The following SRGAP2C variants were observed in gnomAD, a reference collection of about 807,000 sequenced individuals.
SRGAP2C encodes the protein SLIT-ROBO Rho GTPase-activating protein 2C.
In SRGAP2C, 15 loss-of-function variants were observed where a neutral mutation model predicts 25.1. That is an observed-to-expected ratio of 0.60 (90% CI 0.40 to 0.92). The LOEUF (loss-of-function observed/expected upper bound fraction) is 0.92, where lower values mean the gene tolerates loss of function less well. Among genes scored for constraint, SRGAP2C ranks in the 40% least tolerant of loss-of-function variants. The pLI is 0.00. For missense variants in SRGAP2C, 144 were observed against 264.4 expected (o/e 0.54, Z 3.16); for synonymous variants, 44 against 96.6 (o/e 0.46, Z 3.19).
intron 2 of SRGAP2C, among the ~76,000 whole-genome samples, chr1:121,249,568 ATATATATATATATTTT>A (rs1435303280): frequency 0.017 from 615 of 36,654 alleles, 1 homozygote; most frequent in African/African-American, 0.062. Flanking sequence ...ATATATATAT[ATATATATATATATTTT>A]TTTTTTTTTT....
rs1283214323 is a variant in SRGAP2C at position 121,336,121 on chromosome 1, C to G, written c.423+11481C>G. On this transcript the variant is annotated intron_variant, in intron 4 of 9. Transcript: ENST00000367123. ...TATCAAGCCCCTCTAACTAGGCAGG[C>G]TTTGAATGCCAAATTCTATCTTCCT... Among the ~76,000 whole-genome samples the G allele has an allele frequency of 2.0e-5, 3 of 152,166 alleles. No homozygotes were observed. The South Asian group carries it at 6.2e-4, about 32-fold the overall frequency.
chr1:121,331,894 A>G (rs1658440471), intron 4 of SRGAP2C, among the ~76,000 whole-genome samples: 1 of 152,154 alleles, frequency 6.6e-6, no homozygotes, highest in Non-Finnish European at 1.5e-5. Context: ...TAGAGAATAG[A>G]TATTGATTGC....
chr1:121,279,490 G>A (rs1657193584), intron 2 of SRGAP2C, among the ~76,000 whole-genome samples: 1 of 151,186 alleles, frequency 6.6e-6, no homozygotes, highest in Non-Finnish European at 1.5e-5. Flanking sequence ...CTACATGATT[G>A]TCAGTGTGGC....
intron 4 of SRGAP2C, among the ~76,000 whole-genome samples, chr1:121,348,209 A>T (rs1570798178): frequency 1.1e-5 from 1 of 92,532 alleles, no homozygotes; most frequent in Non-Finnish European, 2.3e-5. Context: ...CACCATCCTC[A>T]TCTCATTTAT....
At chr1:121,285,391 G>GTCTC (rs1167239844) in intron 3 of SRGAP2C, among the ~76,000 whole-genome samples, 12 of 134,148 alleles carry the variant, frequency 8.9e-5, no homozygotes, top group African/African-American at 1.6e-4. Flanking sequence ...CTTAATCTCT[G>GTCTC]TCTCTCTCTC....
intron 2 of SRGAP2C, among the ~76,000 whole-genome samples, chr1:121,198,976 C>T (rs1553321211): frequency 6.6e-6 from 1 of 152,136 alleles, no homozygotes; most frequent in Non-Finnish European, 1.5e-5. Context: ...CCTAGTTTCC[C>T]TATAAAATCC....
intron 3 of SRGAP2C, among the ~76,000 whole-genome samples, chr1:121,291,677 TAGA>T (rs1267960663): frequency 2.8e-5 from 4 of 142,406 alleles, no homozygotes; most frequent in South Asian, 2.3e-4. Context: ...GTGTTTTAAG[TAGA>T]AGATCTGTAA....
chr1:121,191,423 T>A (rs1160408408), intron 2 of SRGAP2C, among the ~76,000 whole-genome samples: 3 of 151,942 alleles, frequency 2.0e-5, no homozygotes, highest in African/African-American at 7.3e-5. Flanking sequence ...TTGGTATTTT[T>A]ATTGTTTTTT....
intron 3 of SRGAP2C, among the ~76,000 whole-genome samples, chr1:121,314,023 T>A (rs1211528770): frequency 7.7e-6 from 1 of 130,314 alleles, no homozygotes; most frequent in African/African-American, 2.9e-5. Flanking sequence ...CAGAGTGTTT[T>A]CCAACTTGGT....
intron 2 of SRGAP2C, among the ~76,000 whole-genome samples, chr1:121,236,509 C>G (rs1366232561): frequency 6.6e-6 from 1 of 152,040 alleles, no homozygotes; most frequent in Non-Finnish European, 1.5e-5. Context: ...CAAGGTTCCA[C>G]CTGGGCTCAG....
chr1:121,347,520 C>G lies in SRGAP2C; in HGVS notation c.424-17773C>G, dbSNP rs1185159641. Among the ~76,000 whole-genome samples, 3 of 151,432 alleles carry G rather than the reference C, an allele frequency of 2.0e-5. No homozygotes were observed. The East Asian group carries it at 5.9e-4, about 30-fold the overall frequency. ...AAAAACATACCACAGAGCTAGTCCA[C>G]TCTTTATGCCTAGGGTTTACCCAAA... On this transcript the variant is annotated intron_variant, in intron 4 of 9. Coordinates refer to ENST00000367123, the MANE Select transcript of SRGAP2C (RefSeq NM_001329984.2).
chr1:121,370,527 C>T (rs1455996837), intron 5 of SRGAP2C, among the ~76,000 whole-genome samples: 8 of 140,892 alleles, frequency 5.7e-5, no homozygotes, highest in East Asian at 2.2e-4. Context: ...CTGCAAGCTC[C>T]ACCTCCCAGG....
At chr1:121,287,910 C>T (rs2101571685) in intron 3 of SRGAP2C, among the ~76,000 whole-genome samples, 1 of 151,972 alleles carries the variant, frequency 6.6e-6, no homozygotes, top group East Asian at 1.9e-4. Context: ...TCTCGCTGGG[C>T]TCAGGAGTGA....
chr1:121,240,026 A>C (rs1553329616), intron 2 of SRGAP2C, among the ~76,000 whole-genome samples: 1 of 142,756 alleles, frequency 7.0e-6, no homozygotes, highest in Non-Finnish European at 1.5e-5. Flanking sequence ...TGTTCTGTTT[A>C]AAAACACCTA....
At chr1:121,271,553 T>C (rs1656960644) in intron 2 of SRGAP2C, among the ~76,000 whole-genome samples, 1 of 151,534 alleles carries the variant, frequency 6.6e-6, no homozygotes, top group Admixed American at 6.6e-5. Flanking sequence ...AAGACTGTTC[T>C]AGTTCTGCCT....
At position 121,362,324 on chromosome 1, in the gene SRGAP2C, TAC is replaced by T. The variant is rs1247839391; in HGVS notation, c.424-2965_424-2964del. ...TATTGCACATTTTAAGTGGGCTCGC[TAC>T]ACATGTATTCCCAGCCCAACCCTCA... is the stretch of plus-strand genomic sequence containing the variant. On this transcript the variant is annotated intron_variant, in intron 4 of 9. Transcript: ENST00000367123. The T allele has an allele frequency of 3.4e-5, 5 of 145,418 alleles. No homozygotes were observed. In the East Asian group the frequency reaches 1.0e-3, roughly 30 times the overall value. 9.0% of individuals were successfully genotyped at this position (145,418 alleles called of 1,614,324 possible).
At position 121,308,033 on chromosome 1, in the gene SRGAP2C, G is replaced by A. The variant is rs1553339650; in HGVS notation, c.261-16445G>A. On this transcript the variant is annotated intron_variant, in intron 3 of 9. Coordinates refer to ENST00000367123, the MANE Select transcript of SRGAP2C (RefSeq NM_001329984.2). The stretch of plus-strand genomic sequence containing the variant: ...AGGCAGCAGCAGTTTTGCTCCCTCT[G>A]GGTTCATGGACCCTTGGTATTCCTG... Among the ~76,000 whole-genome samples, 7 of 152,052 alleles carry A rather than the reference G, an allele frequency of 4.6e-5. No individual in the cohort carries two copies. The East Asian group carries it at 1.4e-3, about 30-fold the overall frequency.
At chr1:121,336,538 C>T (rs1658519846) in intron 4 of SRGAP2C, among the ~76,000 whole-genome samples, 1 of 107,202 alleles carries the variant, frequency 9.3e-6, no homozygotes, top group African/African-American at 3.4e-5. Flanking sequence ...TCCTCCTTCC[C>T]TTCCTTTTCT....
chr1:121,322,562 T>A (rs1303041408), intron 3 of SRGAP2C, among the ~76,000 whole-genome samples: 1 of 127,428 alleles, frequency 7.8e-6, no homozygotes, highest in Non-Finnish European at 1.6e-5. Context: ...ATTGGCACGC[T>A]TAAGAGTTAG....
Sources: allele counts gnomAD v4.1 joint callset (sites outside exome capture counted in the v4.1 genomes callset), GRCh38; gene constraint gnomAD v4.1.1; transcripts MANE v1.5; gene names NCBI Gene and HGNC (gene_info 2026-07-23, HGNC 2026-07-21).